The following FHOD3 variants were observed in gnomAD, a reference collection of about 807,000 sequenced individuals.
FHOD3 encodes the protein formin homology 2 domain containing 3, also known as FH1/FH2 domain-containing protein 3.
In FHOD3, 90 loss-of-function variants were observed where a neutral mutation model predicts 173.0. The observed-to-expected ratio is 0.52, with a 90% CI of 0.44 to 0.62. The LOEUF (loss-of-function observed/expected upper bound fraction) is 0.62, where lower values mean the gene tolerates loss of function less well. Among genes scored for constraint, FHOD3 ranks in the 20% least tolerant of loss-of-function variants. FHOD3 has a pLI of 0.00. For missense variants in FHOD3, 1,945 were observed against 2,034.7 expected (o/e 0.96, Z 0.85); for synonymous variants, 828 against 823.0 (o/e 1.01, Z -0.10).
At chr18:36,445,984 A>G (rs2051447707) in intron 3 of FHOD3, among the ~76,000 whole-genome samples, 1 of 152,186 alleles carries the variant, frequency 6.6e-6, no homozygotes, top group Non-Finnish European at 1.5e-5. Flanking sequence ...CCAAATCAGT[A>G]GGGCTTCCCT....
chr18:36,637,610 G>T (rs1009224057), intron 10 of FHOD3, among the ~76,000 whole-genome samples: 1 of 152,168 alleles, frequency 6.6e-6, no homozygotes, highest in Non-Finnish European at 1.5e-5. Context: ...ATACAGTGGT[G>T]AACATGAACC....
At chr18:36,443,347 T>C (rs951209300) in intron 3 of FHOD3, among the ~76,000 whole-genome samples, 2 of 152,216 alleles carry the variant, frequency 1.3e-5, no homozygotes, top group South Asian at 4.1e-4. Context: ...GAGCTTCTCA[T>C]CTCTATTTAT....
intron 12 of FHOD3, among the ~76,000 whole-genome samples, 161 bp downstream of exon 12, chr18:36,653,090 A>G (rs1246357695): frequency 6.6e-6 from 1 of 152,224 alleles, no homozygotes; most frequent in East Asian, 1.9e-4. Context: ...ACCCCTGACT[A>G]AATAATGACC....
intron 3 of FHOD3, among the ~76,000 whole-genome samples, chr18:36,498,485 G>A (rs2054857942): frequency 6.6e-6 from 1 of 152,066 alleles, no homozygotes; most frequent in Non-Finnish European, 1.5e-5. Context: ...GGTATAAAAG[G>A]ACATTGCTAC....
intron 5 of FHOD3, among the ~76,000 whole-genome samples, chr18:36,570,115 G>A (rs1218376856): frequency 1.3e-5 from 2 of 151,868 alleles, no homozygotes; most frequent in Admixed American, 6.6e-5. Context: ...ACAAAAAGCT[G>A]ATTCTGTGAA....
At chr18:36,643,568 G>A (rs1014143410) in intron 10 of FHOD3, among the ~76,000 whole-genome samples, 4 of 152,114 alleles carry the variant, frequency 2.6e-5, no homozygotes, top group Non-Finnish European at 4.4e-5. Flanking sequence ...ATATATCCTC[G>A]TATCAACAAT....
intron 3 of FHOD3, among the ~76,000 whole-genome samples, chr18:36,451,483 A>G (rs537429332): frequency 2.3e-4 from 35 of 152,208 alleles, no homozygotes; most frequent in Admixed American, 6.5e-4. Flanking sequence ...GTCTATTGGA[A>G]CTCAAAGCTG....
chr18:36,459,398 C>T (rs1048748755), intron 3 of FHOD3, among the ~76,000 whole-genome samples: 5 of 152,224 alleles, frequency 3.3e-5, no homozygotes, highest in Admixed American at 3.3e-4. Context: ...TCAAACCCTG[C>T]TCACACCCAG....
intron 1 of FHOD3, among the ~76,000 whole-genome samples, chr18:36,354,605 C>T (rs1342302576): frequency 1.3e-5 from 2 of 152,100 alleles, no homozygotes; most frequent in African/African-American, 4.8e-5. Flanking sequence ...AGTTCGAGAC[C>T]AGGCTGGCCA....
At chr18:36,607,512 T>C (rs1000800549) in intron 8 of FHOD3, among the ~76,000 whole-genome samples, 1 of 152,202 alleles carries the variant, frequency 6.6e-6, no homozygotes, top group African/African-American at 2.4e-5. Flanking sequence ...GCTGGCTCCC[T>C]TCTATCCATA....
At chr18:36,451,656 C>G (rs563821613) in intron 3 of FHOD3, among the ~76,000 whole-genome samples, 1 of 152,270 alleles carries the variant, frequency 6.6e-6, no homozygotes, top group East Asian at 1.9e-4. Context: ...CCGCAGTATT[C>G]AGAAGGGCAA....
At chr18:36,339,531 C>T (rs577308351) in intron 1 of FHOD3, among the ~76,000 whole-genome samples, 21 of 152,316 alleles carry the variant, frequency 1.4e-4, no homozygotes, top group Non-Finnish European at 2.2e-4. Flanking sequence ...CAAAGGCCAA[C>T]GGGACAGTGG....
At position 36,764,480 on chromosome 18, in the gene FHOD3, C is replaced by T. The variant is rs372393784; in HGVS notation, c.4624+3698C>T. Among the ~76,000 whole-genome samples the T allele has an allele frequency of 9.2e-5, 14 of 151,912 alleles. No homozygotes were observed. In the East Asian group the frequency reaches 2.7e-3, roughly 30 times the overall value. ...GGGATGTGAAGGTGAACATTAATGC[C>T]TGCACCATGGTGACCCCAGCCATCA... On this transcript the variant is annotated intron_variant, in intron 27 of 28. Coordinates refer to ENST00000590592, the MANE Select transcript of FHOD3 (RefSeq NM_001281740.3).
At chr18:36,626,226 G>A (rs1413086837) in intron 10 of FHOD3, among the ~76,000 whole-genome samples, 1 of 152,084 alleles carries the variant, frequency 6.6e-6, no homozygotes, top group Non-Finnish European at 1.5e-5. Flanking sequence ...ATATATTTCA[G>A]TACACACTAA....
At chr18:36,484,095 A>C (rs191436675) in intron 3 of FHOD3, among the ~76,000 whole-genome samples, 2 of 152,330 alleles carry the variant, frequency 1.3e-5, no homozygotes, top group East Asian at 3.9e-4. Context: ...GAGACGATTA[A>C]AGATATCACA....
At chr18:36,422,287 G>T (rs919675155) in intron 3 of FHOD3, among the ~76,000 whole-genome samples, 22 of 151,846 alleles carry the variant, frequency 1.4e-4, no homozygotes, top group Non-Finnish European at 7.4e-5. Context: ...ATTTCTTGGG[G>T]CTCTTCCTAT....
At chr18:36,450,439 G>GTTTA (rs1380966170) in intron 3 of FHOD3, among the ~76,000 whole-genome samples, 2,927 of 91,088 alleles carry the variant, frequency 0.032, 38 homozygotes, top group South Asian at 0.06. Flanking sequence ...TTTACGACCA[G>GTTTA]TTTGTTTATT....
chr18:36,677,027 C>A (rs1288689132), intron 14 of FHOD3, among the ~76,000 whole-genome samples: 1 of 151,990 alleles, frequency 6.6e-6, no homozygotes, highest in African/African-American at 2.4e-5. Context: ...CAAATCTTTC[C>A]TTTTTGGTTG....
intron 5 of FHOD3, among the ~76,000 whole-genome samples, chr18:36,524,557 A>G (rs2056426423): frequency 1.3e-5 from 2 of 152,018 alleles, no homozygotes; most frequent in South Asian, 4.2e-4. Context: ...CCGTGAGGAG[A>G]GTGCGCACAG....
Sources: allele counts gnomAD v4.1 joint callset (sites outside exome capture counted in the v4.1 genomes callset), GRCh38; gene constraint gnomAD v4.1.1; transcripts MANE v1.5; gene names NCBI Gene and HGNC (gene_info 2026-07-23, HGNC 2026-07-21).